The following ALPK3 variants were observed in gnomAD, a reference collection of about 807,000 sequenced individuals.
The protein encoded by ALPK3 is alpha kinase 3.
ALPK3 carries 102 observed loss-of-function variants against 140.0 expected under a neutral mutation model. The observed-to-expected ratio is 0.73, with a 90% CI of 0.62 to 0.86. The LOEUF is 0.86. Among genes scored for constraint, ALPK3 ranks in the 40% least tolerant of loss-of-function variants. The pLI is 0.00. For missense variants in ALPK3, 2,254 were observed against 2,208.2 expected (o/e 1.02, Z -0.42); for synonymous variants, 938 against 898.5 (o/e 1.04, Z -0.79).
rs372396708 is a variant in ALPK3, at chr15:84,862,828, G to A, written c.4323G>A (p.Thr1441=). 15 of 1,614,032 alleles carry A rather than the reference G, an allele frequency of 9.3e-6. No individual in the cohort carries two copies. In the African/African-American group the frequency reaches 1.1e-4, roughly 11 times the overall value. Residue 1441 remains threonine, a synonymous_variant, in exon 10 of 14, where the codon ACG becomes ACA. Coordinates refer to ENST00000258888, the MANE Select transcript of ALPK3 (RefSeq NM_020778.5). ...GLEPIFESGR[T]CIIKVSSLLV... is the part of the protein sequence containing the mutation. ...AACCCATCTTCGAGTCGGGCCGCACGTGCATCATCAAGGTGTCCAGCCTGC... is the reference window on the plus strand; with the variant it reads ...AACCCATCTTCGAGTCGGGCCGCACATGCATCATCAAGGTGTCCAGCCTGC...
intron 13 of ALPK3, among the ~76,000 whole-genome samples, chr15:84,867,730 A>G (rs1396074926): frequency 1.3e-5 from 2 of 152,140 alleles, no homozygotes; most frequent in African/African-American, 4.8e-5. Context: ...TATGCCATTT[A>G]AAGTCCTGCG....
chr15:84,845,504 A>G (rs1321446550), intron 5 of ALPK3, among the ~76,000 whole-genome samples: 1 of 152,046 alleles, frequency 6.6e-6, no homozygotes, highest in Non-Finnish European at 1.5e-5. Context: ...AGGGGGCCCT[A>G]TGGGGGAAAC....
chr15:84,857,351 T>TGAAG lies in ALPK3; in HGVS notation c.2614_2615insAAGG (p.Gly872GlufsTer8), dbSNP rs1963877375. ...AGGTACCCACGATGCCTTCTCTTCC[T>TGAAG]GGAACTGGGCTGACAGCTAGCCCAA... On this transcript the variant is annotated frameshift_variant, in exon 6 of 14. Transcript: ENST00000258888. LOFTEE classifies it high-confidence loss of function. 6.2e-7 allele frequency: 1 copy of TGAAG among 1,614,010 alleles called. No homozygotes were observed. Among genetic ancestry groups the TGAAG allele is most frequent in the Non-Finnish European group, 8.5e-7 (1 of 1,180,018 alleles).
intron 1 of ALPK3, among the ~76,000 whole-genome samples, chr15:84,822,196 G>T (rs1206792068): frequency 6.6e-6 from 1 of 152,180 alleles, no homozygotes; most frequent in Admixed American, 6.5e-5. Flanking sequence ...AGAGCAGAGA[G>T]GAAGGGAGAA....
intron 3 of ALPK3, among the ~76,000 whole-genome samples, chr15:84,835,970 A>G (rs1488425118): frequency 6.6e-6 from 1 of 152,258 alleles, no homozygotes. Flanking sequence ...TTTGTCATGG[A>G]AAGGATGGAC....
intron 5 of ALPK3, among the ~76,000 whole-genome samples, chr15:84,841,192 G>A (rs1385479154): frequency 6.6e-6 from 1 of 152,162 alleles, no homozygotes; most frequent in Non-Finnish European, 1.5e-5. Flanking sequence ...ACTGTGCCCC[G>A]GAGGGAGATG....
chr15:84,863,021 A>G (rs1963966745), intron 10 of ALPK3, 106 bp downstream of exon 10: 2 of 1,442,558 alleles, frequency 1.4e-6, no homozygotes, highest in African/African-American at 2.8e-5. Flanking sequence ...AAGGCATCTC[A>G]GTCTCAACCT....
At chr15:84,833,957 TTG>T (rs71453270) in intron 3 of ALPK3, among the ~76,000 whole-genome samples, 10,152 of 147,202 alleles carry the variant, frequency 0.069, 384 homozygotes, top group East Asian at 0.13. Flanking sequence ...AGATTCTGTG[TTG>T]TGTGTGTGTG....
At position 84,859,839 on chromosome 15, in the gene ALPK3, G is replaced by A. The variant is rs1399164178; in HGVS notation, c.4029G>A (p.Val1343=). ...IVQASPVDCG[V]YRCTIHNEHG... ...AGGCCTCCCCCGTAGACTGCGGTGT[G>A]TATCGGTGCACCATCCACAATGAGC... Residue 1343 remains valine, a synonymous_variant, in exon 8 of 14, where the codon GTG becomes GTA. Transcript: ENST00000258888. 2 of 1,613,958 alleles carry A rather than the reference G, an allele frequency of 1.2e-6. No individual in the cohort carries two copies. The highest frequency in any genetic ancestry group is 1.7e-6 in the Non-Finnish European group (2 of 1,180,042).
chr15:84,858,472 G>A lies in ALPK3; in HGVS notation c.3734G>A (p.Gly1245Asp). ...AGDLGPSPKA[G>D]GLDTEVALDE... ...GACCTGGGCCCCAGCCCCAAGGCCG[G>A]CGGTCTGGACACAGAGGTGGCCCTG... Residue 1245 changes from glycine to aspartate, a missense_variant, in exon 6 of 14, where the codon GGC (glycine) becomes GAC (aspartate). By Grantham distance (94) the Gly-to-Asp change is moderately conservative. Transcript: ENST00000258888. 1.9e-6 allele frequency: 3 copies of A among 1,573,242 alleles called. No homozygotes were observed. Among genetic ancestry groups the A allele is most frequent in the South Asian group, 2.3e-5 (2 of 86,234 alleles).
chr15:84,868,034 G>A (rs1964020645), intron 13 of ALPK3, 77 bp from the exon 14 acceptor site: 1 of 1,434,784 alleles, frequency 7.0e-7, no homozygotes, highest in Non-Finnish European at 9.5e-7. Context: ...CCTGATGATG[G>A]CCACCCCAGA....
intron 5 of ALPK3, among the ~76,000 whole-genome samples, chr15:84,847,123 C>T (rs1963739085): frequency 1.3e-5 from 2 of 150,640 alleles, no homozygotes; most frequent in Admixed American, 1.3e-4. Context: ...AGACAGTGAA[C>T]TTGAAGTTAA....
intron 5 of ALPK3, among the ~76,000 whole-genome samples, chr15:84,849,654 T>C (rs1963779113): frequency 6.6e-6 from 1 of 152,162 alleles, no homozygotes; most frequent in Non-Finnish European, 1.5e-5. Context: ...GAACATACTT[T>C]TATGGGCCAA....
chr15:84,825,459 C>G (rs1176210797), intron 2 of ALPK3, among the ~76,000 whole-genome samples: 1 of 152,132 alleles, frequency 6.6e-6, no homozygotes, highest in Admixed American at 6.5e-5. Flanking sequence ...ACAGGCGTGA[C>G]CCACTGCACC....
At chr15:84,823,414 G>A (rs1166291634) in intron 2 of ALPK3, 46 bp downstream of exon 2, 1 of 1,610,322 alleles carries the variant, frequency 6.2e-7, no homozygotes, top group Non-Finnish European at 8.5e-7. Flanking sequence ...TTTTCCTTGG[G>A]TCTGGGCATT....
intron 5 of ALPK3, 128 bp downstream of exon 5, chr15:84,841,060 T>A: frequency 7.7e-7 from 1 of 1,303,654 alleles, no homozygotes; most frequent in Non-Finnish European, 1.0e-6. Flanking sequence ...GGGACTGGAG[T>A]GCCAGCTACA....
chr15:84,846,456 G>T (rs913743642), intron 5 of ALPK3, among the ~76,000 whole-genome samples: 1 of 152,202 alleles, frequency 6.6e-6, no homozygotes, highest in Non-Finnish European at 1.5e-5. Context: ...CAAATGGAAA[G>T]ATAGAAAGTC....
chr15:84,820,431 T>C (rs1963408861), intron 1 of ALPK3, among the ~76,000 whole-genome samples: 1 of 152,148 alleles, frequency 6.6e-6, no homozygotes, highest in Admixed American at 6.5e-5. Flanking sequence ...GCTTTCGTGG[T>C]CAGTTCTAGT....
At chr15:84,833,078 G>A (rs1032636388) in intron 3 of ALPK3, among the ~76,000 whole-genome samples, 8 of 152,124 alleles carry the variant, frequency 5.3e-5, no homozygotes, top group East Asian at 3.9e-4. Context: ...GACCAGGCAG[G>A]GCTGCTCAGA....
Sources: allele counts gnomAD v4.1 joint callset (sites outside exome capture counted in the v4.1 genomes callset), GRCh38; gene constraint gnomAD v4.1.1; transcripts MANE v1.5; gene names NCBI Gene and HGNC (gene_info 2026-07-23, HGNC 2026-07-21).